Variants in SMCO4 observed in about 807,000 individuals in gnomAD.
SMCO4 encodes the protein single-pass membrane protein with coiled-coil domains 4.
Under a neutral mutation model 3.6 loss-of-function variants are expected in SMCO4, and 4 were observed. The observed-to-expected ratio is 1.11, with a 90% CI of 0.54 to 2.53. The LOEUF is 2.53. Among genes scored for constraint, SMCO4 ranks in the 30% most tolerant of loss-of-function variants. The pLI is 0.02. For missense variants in SMCO4, 70 were observed against 80.8 expected (o/e 0.87, Z 0.51); for synonymous variants, 36 against 35.3 (o/e 1.02, Z -0.07).
chr11:93,510,032 G>C (rs1286298042), intron 1 of SMCO4, among the ~76,000 whole-genome samples: 2 of 152,184 alleles, frequency 1.3e-5, no homozygotes, highest in Non-Finnish European at 2.9e-5. Flanking sequence ...AGGTCCTATA[G>C]AGAACTCCAA....
intron 1 of SMCO4, among the ~76,000 whole-genome samples, chr11:93,506,825 C>T (rs1270037699): frequency 6.6e-6 from 1 of 152,122 alleles, no homozygotes; most frequent in East Asian, 1.9e-4. Flanking sequence ...TTTAATATCC[C>T]ATGTAACAAA....
chr11:93,484,781 T>G (rs1948629483), intron 2 of SMCO4, among the ~76,000 whole-genome samples: 1 of 151,526 alleles, frequency 6.6e-6, no homozygotes, highest in Admixed American at 6.6e-5. Flanking sequence ...GTTGGGCAGG[T>G]TTGTTCAAAG....
At chr11:93,494,272 T>G (rs1286378238) in intron 2 of SMCO4, among the ~76,000 whole-genome samples, 1 of 152,250 alleles carries the variant, frequency 6.6e-6, no homozygotes, top group East Asian at 1.9e-4. Context: ...CTAAATTTCA[T>G]ACCTGTTTTA....
chr11:93,483,421 A>T (rs1948614173), intron 2 of SMCO4, among the ~76,000 whole-genome samples: 1 of 152,230 alleles, frequency 6.6e-6, no homozygotes, highest in Non-Finnish European at 1.5e-5. Context: ...AGCTGGGCCA[A>T]CTGGCCTCTA....
At chr11:93,540,131 G>A (rs894050497) in intron 1 of SMCO4, among the ~76,000 whole-genome samples, 7 of 152,078 alleles carry the variant, frequency 4.6e-5, no homozygotes, top group African/African-American at 1.7e-4. Flanking sequence ...GCTTAGGGTG[G>A]GAAGGCAAAA....
intron 1 of SMCO4, among the ~76,000 whole-genome samples, chr11:93,530,222 G>C (rs539549224): frequency 6.6e-6 from 1 of 152,290 alleles, no homozygotes; most frequent in East Asian, 1.9e-4. Flanking sequence ...AAGGGGTCGT[G>C]GGGGGAAGAG....
intron 2 of SMCO4, chr11:93,481,621 T>C: frequency 1.5e-6 from 1 of 661,812 alleles, no homozygotes; most frequent in Non-Finnish European, 1.9e-6. Context: ...AGGGGAAAAA[T>C]GTCTTGCCAA....
chr11:93,505,081 T>C (rs537005983), intron 1 of SMCO4, among the ~76,000 whole-genome samples: 1 of 152,348 alleles, frequency 6.6e-6, no homozygotes, highest in East Asian at 1.9e-4. Context: ...ACAGATCATG[T>C]CTTCAACATG....
chr11:93,532,079 CT>C (rs1160781749), intron 1 of SMCO4, among the ~76,000 whole-genome samples: 1 of 152,146 alleles, frequency 6.6e-6, no homozygotes, highest in Non-Finnish European at 1.5e-5. Context: ...TCATCAGGAC[CT>C]TCTGAGGCTG....
At chr11:93,506,289 G>A (rs148886926) in intron 1 of SMCO4, among the ~76,000 whole-genome samples, 7 of 152,246 alleles carry the variant, frequency 4.6e-5, no homozygotes, top group East Asian at 1.9e-4. Context: ...TGGGAGTCCC[G>A]CCAGGTCAAA....
At chr11:93,480,415 A>C (rs1469802330) in intron 2 of SMCO4, among the ~76,000 whole-genome samples, 5 of 152,146 alleles carry the variant, frequency 3.3e-5, no homozygotes, top group Admixed American at 6.5e-5. Context: ...GCCACCCCCC[A>C]GCATTCTGCA....
chr11:93,544,466 A>G (rs1225255073), upstream of SMCO4, among the ~76,000 whole-genome samples: 1 of 152,080 alleles, frequency 6.6e-6, no homozygotes, highest in Non-Finnish European at 1.5e-5. Context: ...TGTTTTGAAG[A>G]ATTGTGGAAC....
the SMCO4 span, among the ~76,000 whole-genome samples, chr11:93,549,451 T>TA: frequency 1.4e-3 from 207 of 152,206 alleles, no homozygotes; most frequent in African/African-American, 2.2e-3. Flanking sequence ...AGGAAAGAGG[T>TA]AAAAAAAATT....
chr11:93,520,145 T>G (rs961261269), intron 1 of SMCO4, among the ~76,000 whole-genome samples: 2 of 152,118 alleles, frequency 1.3e-5, no homozygotes, highest in African/African-American at 4.8e-5. Context: ...AGAACGTTTG[T>G]ACTAGAGGCA....
At chr11:93,523,331 A>T (rs571500001) in intron 1 of SMCO4, 6 of 152,110 alleles carry the variant, frequency 3.9e-5, no homozygotes, top group Non-Finnish European at 5.9e-5. Context: ...AAACAAAAAG[A>T]CTTACCCACT....
chr11:93,489,400 A>G (rs1948688136), intron 2 of SMCO4, among the ~76,000 whole-genome samples: 1 of 152,162 alleles, frequency 6.6e-6, no homozygotes, highest in African/African-American at 2.4e-5. Flanking sequence ...GGAGGCAGGG[A>G]GAGAAGGGAG....
chr11:93,530,283 GCA>G (rs1181109471), intron 1 of SMCO4, among the ~76,000 whole-genome samples: 1 of 152,186 alleles, frequency 6.6e-6, no homozygotes, highest in African/African-American at 2.4e-5. Flanking sequence ...GGGCAGCTAA[GCA>G]CACAGTTTCC....
At position 93,529,332 on chromosome 11, in the gene SMCO4, G is replaced by A. The variant is rs189447223; in HGVS notation, c.-154+13944C>T. ...TTGGATGGGTGTGTTTTGTTTGGGA[G>A]GAAGGAGGGGCCCCAAAGGCAACTC... On this transcript the variant is annotated intron_variant, in intron 1 of 2. Coordinates refer to ENST00000298966, the MANE Select transcript of SMCO4 (RefSeq NM_020179.3). 3.2e-4 allele frequency among the ~76,000 whole-genome samples: 48 copies of A among 152,300 alleles called. No individual in the cohort carries two copies. The Middle Eastern group carries it at 0.01, about 32-fold the overall frequency.
At chr11:93,493,778 A>G (rs1948745774) in intron 2 of SMCO4, among the ~76,000 whole-genome samples, 1 of 152,184 alleles carries the variant, frequency 6.6e-6, no homozygotes, top group African/African-American at 2.4e-5. Context: ...TGGGAGAACA[A>G]GCCAAACTCT....
Sources: allele counts gnomAD v4.1 joint callset (sites outside exome capture counted in the v4.1 genomes callset), GRCh38; gene constraint gnomAD v4.1.1; transcripts MANE v1.5; gene names NCBI Gene and HGNC (gene_info 2026-07-23, HGNC 2026-07-21).